CELSR1: variants seen among roughly 807,000 people sequenced by gnomAD.
CELSR1 encodes the protein cadherin EGF LAG seven-pass G-type receptor 1, also known as adhesion G protein-coupled receptor C1.
In CELSR1, 110 loss-of-function variants were observed where a neutral mutation model predicts 249.1. The observed-to-expected ratio is 0.44, with a 90% CI of 0.38 to 0.52. CELSR1 has a LOEUF of 0.52. Ranked by LOEUF, CELSR1 falls within the 20% of genes least tolerant of loss-of-function variation. CELSR1 has a pLI of 0.00. For missense variants in CELSR1, 4,109 were observed against 4,296.4 expected (o/e 0.96, Z 1.22); for synonymous variants, 2,113 against 1,900.0 (o/e 1.11, Z -2.92).
intron 1 of CELSR1, chr22:46,481,743 G>A (rs2080268774): frequency 6.0e-6 from 3 of 501,116 alleles, no homozygotes; most frequent in Middle Eastern, 5.4e-4. Context: ...GCTCCCCAGT[G>A]GCAACCCTGT....
At position 46,437,777 on chromosome 22, in the gene CELSR1, TC is replaced by T. The variant is rs2079681824; in HGVS notation, c.4406+1411del. ...CAAAAAAAAAAAAAAAACTGATGGT[TC>T]CCAACTGTCGCCCAAACCCCCTCTC... On this transcript the variant is annotated intron_variant, in intron 3 of 34. Transcript: ENST00000674500. The surrounding 1 kb of genome is among the most constrained non-coding windows in gnomAD (Gnocchi z 4.9). Among the ~76,000 whole-genome samples the T allele has an allele frequency of 6.7e-6, 1 of 149,476 alleles. No homozygotes were observed. Among genetic ancestry groups the T allele is most frequent in the African/African-American group, 2.5e-5 (1 of 40,630 alleles).
chr22:46,488,556 C>G lies in CELSR1; in HGVS notation c.3545-24211G>C, dbSNP rs1213555625. On this transcript the variant is annotated intron_variant, in intron 1 of 34. Transcript: ENST00000674500. This position sits in a 1 kb window ranked among gnomAD's most constrained non-coding sequence, Gnocchi z 4.7. ...CCAGAGGGAAGCCCCACAGGCCTAG[C>G]TGAGGGACACAAAAAGAACAAACGC... Among the ~76,000 whole-genome samples the G allele has an allele frequency of 6.6e-6, 1 of 152,174 alleles. No homozygotes were observed. Among genetic ancestry groups the G allele is most frequent in the Non-Finnish European group, 1.5e-5 (1 of 68,018 alleles).
intron 18 of CELSR1, among the ~76,000 whole-genome samples, chr22:46,387,579 G>A (rs2079045970): frequency 6.6e-6 from 1 of 151,870 alleles, no homozygotes; most frequent in Non-Finnish European, 1.5e-5. Flanking sequence ...GGCTGGTCTC[G>A]AACTCCTGGG....
Position 46,533,728 on chromosome 22 carries a change from A to G in CELSR1, c.3443T>C (p.Leu1148Pro). The change falls in exon 1 of 35, where the codon CTG becomes CCG. Residue 1148 changes from leucine to proline, a missense_variant. Physicochemically the swap from Leu to Pro is moderately conservative, Grantham distance 98. Coordinates refer to ENST00000674500, the MANE Select transcript of CELSR1 (RefSeq NM_001378328.1). ...GGCGGGGTCCAGCAGCAACAGGCGC[A>G]GCTCGTTGCCCTGCACGAAGGTGTA... ...LNYTFVQGNE[L>P]RLLLLDPATG... is the part of the protein sequence containing the mutation. 2.5e-6 allele frequency: 4 copies of G among 1,613,178 alleles called. No individual in the cohort carries two copies. Among genetic ancestry groups the G allele is most frequent in the African/African-American group, 1.3e-5 (1 of 75,070 alleles).
intron 1 of CELSR1, among the ~76,000 whole-genome samples, chr22:46,502,411 AG>A (rs1051707673): frequency 8.9e-6 from 1 of 112,480 alleles, no homozygotes; most frequent in Non-Finnish European, 1.8e-5. Flanking sequence ...AGAAGAGGGA[AG>A]GGGAAAGGGG....
intron 31 of CELSR1, 72 bp downstream of exon 31, chr22:46,365,514 C>T (rs755089856): frequency 5.7e-5 from 88 of 1,534,240 alleles, no homozygotes; most frequent in Non-Finnish European, 7.3e-5. Context: ...TCTTCAGGGG[C>T]AGTCTGTCCA....
rs1483508895 is a variant in CELSR1, at chr22:46,527,178, G to A, written c.3544+6449C>T. Among the ~76,000 whole-genome samples the A allele has an allele frequency of 2.6e-5, 4 of 152,174 alleles. No individual in the cohort carries two copies. The highest frequency in any genetic ancestry group is 9.7e-5 in the African/African-American group (4 of 41,438). On this transcript the variant is annotated intron_variant, in intron 1 of 34. Coordinates refer to ENST00000674500, the MANE Select transcript of CELSR1 (RefSeq NM_001378328.1). This position sits in a 1 kb window ranked among gnomAD's most constrained non-coding sequence, Gnocchi z 5.5. ...CGGCTGGAAAACTGCAAGCGATGGG[G>A]CCTGCAGAGCCTGGGAGGGTTCCCG...
rs1313427493 is a variant in CELSR1, at chr22:46,403,136, C to CA, written c.5227-3235dup. 9.9e-5 allele frequency among the ~76,000 whole-genome samples: 15 copies of CA among 152,172 alleles called. No homozygotes were observed. The East Asian group carries it at 2.5e-3, about 25-fold the overall frequency. On this transcript the variant is annotated intron_variant, in intron 9 of 34. Coordinates refer to ENST00000674500, the MANE Select transcript of CELSR1 (RefSeq NM_001378328.1). ...TTGTATGCACCTAATAACCTGGCCT[C>CA]AAAATCTATATAGCAAAAATCAAGA...
intron 25 of CELSR1, among the ~76,000 whole-genome samples, chr22:46,370,794 G>A (rs1385437712): frequency 6.6e-6 from 1 of 152,258 alleles, no homozygotes; most frequent in Non-Finnish European, 1.5e-5. Context: ...GGCCGGGGGA[G>A]GCAGCAGCCA....
Position 46,408,970 on chromosome 22 carries a change from C to G in CELSR1, c.5226+26G>C. The G allele has an allele frequency of 6.3e-7, 1 of 1,578,358 alleles. No individual in the cohort carries two copies. Among genetic ancestry groups the G allele is most frequent in the Non-Finnish European group, 8.6e-7 (1 of 1,163,570 alleles). ...CCCTCGGGCACCCACCTAGCAGGTGCCTTGGTGGCACGGGGCCCCAGTCAC... is the reference window on the plus strand; with the variant it reads ...CCCTCGGGCACCCACCTAGCAGGTGGCTTGGTGGCACGGGGCCCCAGTCAC... On this transcript the variant is annotated intron_variant, in intron 9 of 34. Coordinates refer to ENST00000674500, the MANE Select transcript of CELSR1 (RefSeq NM_001378328.1). This position sits in a 1 kb window ranked among gnomAD's most constrained non-coding sequence, Gnocchi z 4.6.
intron 1 of CELSR1, among the ~76,000 whole-genome samples, chr22:46,485,472 G>T (rs190358715): frequency 1.0e-3 from 152 of 152,324 alleles, no homozygotes; most frequent in African/African-American, 3.7e-3. Context: ...TGGACGGGAG[G>T]AGGCCCATGT....
intron 1 of CELSR1, among the ~76,000 whole-genome samples, chr22:46,510,969 G>C (rs1374982103): frequency 6.6e-6 from 1 of 152,054 alleles, no homozygotes; most frequent in African/African-American, 2.4e-5. Context: ...AGAAAAATTC[G>C]CTGGGCATGG....
chr22:46,519,020 G>A (rs540295147), intron 1 of CELSR1, among the ~76,000 whole-genome samples: 7 of 151,652 alleles, frequency 4.6e-5, no homozygotes, highest in Non-Finnish European at 7.4e-5. Flanking sequence ...GTAACGGAGC[G>A]AGACTCTGTA....
chr22:46,460,472 G>A (rs1161413610), intron 2 of CELSR1, among the ~76,000 whole-genome samples: 2 of 152,304 alleles, frequency 1.3e-5, no homozygotes, highest in South Asian at 2.1e-4. Context: ...CAGATGAAGG[G>A]ATGGCAGGTG....
At chr22:46,379,681 G>C (rs186909039) in intron 22 of CELSR1, among the ~76,000 whole-genome samples, 7 of 152,190 alleles carry the variant, frequency 4.6e-5, no homozygotes, top group Non-Finnish European at 1.0e-4. Flanking sequence ...AACCGGGCTC[G>C]CTCACCATAG....
rs535747258 is a variant in CELSR1 at position 46,517,494 on chromosome 22, ATG to A, written c.3544+16131_3544+16132del. 6.2e-4 allele frequency among the ~76,000 whole-genome samples: 94 copies of A among 152,266 alleles called. No individual in the cohort carries two copies. The highest frequency in any genetic ancestry group is 3.9e-3 in the South Asian group (19 of 4,822). ...CTGGAGGGTAGAACCACAATGGCTG[ATG>A]TGCACTGTCCCGGCGCCCCAGGCCG... On this transcript the variant is annotated intron_variant, in intron 1 of 34. Transcript: ENST00000674500. This position sits in a 1 kb window ranked among gnomAD's most constrained non-coding sequence, Gnocchi z 5.4.
At chr22:46,523,912 G>A (rs2080711398) in intron 1 of CELSR1, among the ~76,000 whole-genome samples, 1 of 152,162 alleles carries the variant, frequency 6.6e-6, no homozygotes, top group East Asian at 1.9e-4. Flanking sequence ...TCCAGCCTCA[G>A]CCCCTCCCAC....
chr22:46,454,649 C>T lies in CELSR1; in HGVS notation c.4183+9058G>A, dbSNP rs532944465. 9.2e-5 allele frequency among the ~76,000 whole-genome samples: 14 copies of T among 152,372 alleles called. No homozygotes were observed. In the South Asian group the frequency reaches 1.4e-3, roughly 16 times the overall value. On this transcript the variant is annotated intron_variant, in intron 2 of 34. Coordinates refer to ENST00000674500, the MANE Select transcript of CELSR1 (RefSeq NM_001378328.1). This position sits in a 1 kb window ranked among gnomAD's most constrained non-coding sequence, Gnocchi z 5.1. ...CTCACATTCCACACCTAGTTCAGCT[C>T]GCCCACCTCCAAGCTGTCCGGGTGG...
In CELSR1 at chr22:46,402,287, G is replaced by A. The variant is rs2079218080; in HGVS notation, c.5227-2385C>T. On this transcript the variant is annotated intron_variant, in intron 9 of 34. Coordinates refer to ENST00000674500, the MANE Select transcript of CELSR1 (RefSeq NM_001378328.1). The surrounding 1 kb of genome is among the most constrained non-coding windows in gnomAD (Gnocchi z 5.0). Reference sequence around the variant, plus strand: ...GCTGGAGTGCAATGGCACAATCTCAGCTCACTGTAAACTCCACCTCCCAGG... The same window carrying A: ...GCTGGAGTGCAATGGCACAATCTCAACTCACTGTAAACTCCACCTCCCAGG... 6.6e-6 allele frequency among the ~76,000 whole-genome samples: 1 copy of A among 151,044 alleles called. No homozygotes were observed. The highest frequency in any genetic ancestry group is 1.5e-5 in the Non-Finnish European group (1 of 67,886).
Sources: gnomAD v4.1 joint callset for allele counts (sites outside exome capture counted in the v4.1 genomes callset) on GRCh38, gnomAD v4.1.1 for gene constraint, Gnocchi (gnomAD v3.1) non-coding constraint, MANE v1.5 for transcripts, NCBI Gene and HGNC (gene_info 2026-07-23, HGNC 2026-07-21) for gene names.